Variants in SLC16A7 observed in about 807,000 individuals in gnomAD.
SLC16A7 encodes the protein monocarboxylate transporter 2.
A neutral mutation model predicts 34.9 loss-of-function variants in SLC16A7; 33 were observed. That is an observed-to-expected ratio of 0.94 (90% CI 0.72 to 1.26). The LOEUF (loss-of-function observed/expected upper bound fraction) is 1.26, where lower values mean the gene tolerates loss of function less well. Ranked by LOEUF, SLC16A7 falls within the 50% of genes most tolerant of loss-of-function variation. The probability of loss-of-function intolerance (pLI) is 0.00; values close to 1 mark genes in which losing one functional copy is unlikely to be tolerated. For synonymous variants in SLC16A7, 201 were observed against 206.6 expected (o/e 0.97, Z 0.23); for missense variants, 573 against 578.1 (o/e 0.99, Z 0.09).
intron 3 of SLC16A7, among the ~76,000 whole-genome samples, chr12:59,727,728 G>T (rs1033866392): frequency 6.6e-6 from 1 of 152,232 alleles, no homozygotes; most frequent in African/African-American, 2.4e-5. Context: ...ACTGTTAATA[G>T]TGAGAGTATT....
In SLC16A7 at chr12:59,704,214, A is replaced by AG. The variant is rs1259811931; in HGVS notation, c.-30-558_-30-557insG. The stretch of plus-strand genomic sequence containing the variant: ...GACTCTGTCTCAAAAAAAAAAAAAA[A>AG]AAAAGAAAAAGAAAAAAAAAAGAAA... On this transcript the variant is annotated intron_variant, in intron 2 of 5. Transcript: ENST00000547379. Among the ~76,000 whole-genome samples, 53 of 140,670 alleles carry AG rather than the reference A, an allele frequency of 3.8e-4. 2 individuals carry two copies. Among genetic ancestry groups the AG allele is most frequent in the African/African-American group, 1.3e-3 (47 of 36,346 alleles). The allele number at this position is 140,670 out of a possible 152,430, so 92.3% of individuals were successfully genotyped here.
chr12:59,773,142 T>C (rs1252986114), intron 4 of SLC16A7, among the ~76,000 whole-genome samples: 1 of 152,022 alleles, frequency 6.6e-6, no homozygotes, highest in East Asian at 1.9e-4. Flanking sequence ...ACATAATACC[T>C]GGATTTTAAT....
At chr12:59,600,999 A>G (rs191685961) in intron 1 of SLC16A7, among the ~76,000 whole-genome samples, 2 of 152,336 alleles carry the variant, frequency 1.3e-5, no homozygotes, top group African/African-American at 2.4e-5. Flanking sequence ...AAATGTCTGT[A>G]TGGTTCAATT....
chr12:59,714,633 A>G (rs926877888), intron 3 of SLC16A7, among the ~76,000 whole-genome samples: 2 of 150,624 alleles, frequency 1.3e-5, no homozygotes, highest in African/African-American at 4.9e-5. Context: ...GGCACGATCT[A>G]GGCTCACTGC....
At chr12:59,673,252 T>G (rs1350168037) in intron 2 of SLC16A7, among the ~76,000 whole-genome samples, 1 of 152,144 alleles carries the variant, frequency 6.6e-6, no homozygotes, top group Admixed American at 6.5e-5. Flanking sequence ...GTGTAGAACA[T>G]TTGCTGAAAT....
chr12:59,737,571 C>G (rs1877744491), intron 3 of SLC16A7, among the ~76,000 whole-genome samples: 1 of 152,172 alleles, frequency 6.6e-6, no homozygotes, highest in African/African-American at 2.4e-5. Flanking sequence ...AAAAAGGGAG[C>G]TGACTTCCTG....
intron 4 of SLC16A7, among the ~76,000 whole-genome samples, chr12:59,774,201 A>G (rs1321989992): frequency 6.6e-6 from 1 of 152,122 alleles, no homozygotes; most frequent in Non-Finnish European, 1.5e-5. Flanking sequence ...CGACCTTTTT[A>G]GTCTGTTTAT....
intron 3 of SLC16A7, 96 bp downstream of exon 3, chr12:59,705,114 G>GT: frequency 1.2e-6 from 1 of 803,134 alleles, no homozygotes; most frequent in South Asian, 1.6e-5. Context: ...TTAAAACCCT[G>GT]TTTTTATGTT....
chr12:59,782,965 C>A lies in SLC16A7; in HGVS notation c.*3286C>A, dbSNP rs1291604483. On this transcript the variant is annotated 3_prime_UTR_variant, in exon 6 of 6. Transcript: ENST00000547379. The stretch of plus-strand genomic sequence containing the variant: ...GAAACAAGTAAAATAATTAGATTTT[C>A]TATGTTTGAATGTGCACTTTAAAAA... 6.6e-6 allele frequency: 1 copy of A among 152,062 alleles called. No homozygotes were observed. The highest frequency in any genetic ancestry group is 1.5e-5 in the Non-Finnish European group (1 of 68,006). The allele number at this position is 152,062 out of a possible 1,614,324, so 9.4% of individuals were successfully genotyped here. A position where few individuals can be genotyped will look rare whatever the true frequency, so the allele number is the denominator to read the frequency against.
rs1883209600 is a variant in SLC16A7 at position 59,781,032 on chromosome 12, A to G, written c.*1353A>G. On this transcript the variant is annotated 3_prime_UTR_variant, in exon 6 of 6. Coordinates refer to ENST00000547379, the MANE Select transcript of SLC16A7 (RefSeq NM_001270623.2). Reference sequence around the variant, plus strand: ...AAATAGAGGCACTGTATGACTTGCAATCGTAGGTATAGTTTATAACCTGAT... The same window carrying G: ...AAATAGAGGCACTGTATGACTTGCAGTCGTAGGTATAGTTTATAACCTGAT... The G allele has an allele frequency of 6.6e-6, 1 of 152,166 alleles. No homozygotes were observed. The allele number at this position is 152,166 out of a possible 1,614,324, so 9.4% of individuals were successfully genotyped here.
chr12:59,720,677 C>T (rs1875471778), intron 3 of SLC16A7, among the ~76,000 whole-genome samples: 2 of 152,086 alleles, frequency 1.3e-5, no homozygotes, highest in Non-Finnish European at 1.5e-5. Context: ...CCCATGTTCA[C>T]ACCCTTAAAC....
intron 1 of SLC16A7, among the ~76,000 whole-genome samples, chr12:59,598,601 G>C (rs1261415419): frequency 6.6e-6 from 1 of 152,170 alleles, no homozygotes; most frequent in Non-Finnish European, 1.5e-5. Flanking sequence ...TGAGAAGAAT[G>C]TCTTTTCTCA....
intron 1 of SLC16A7, among the ~76,000 whole-genome samples, chr12:59,632,897 A>G (rs1449320949): frequency 1.3e-5 from 2 of 151,956 alleles, no homozygotes; most frequent in African/African-American, 4.8e-5. Flanking sequence ...GAAGAGAGCT[A>G]TGGAAAGAAA....
intron 3 of SLC16A7, among the ~76,000 whole-genome samples, chr12:59,757,218 G>T: frequency 6.6e-6 from 1 of 151,210 alleles, no homozygotes; most frequent in African/African-American, 2.4e-5. Flanking sequence ...TAACTAACCT[G>T]CACATTGTGC....
In SLC16A7 at chr12:59,775,531, G is replaced by A. The variant is rs182913197; in HGVS notation, c.1180+56G>A. Reference sequence around the variant, plus strand: ...AAGCATAAAATTAATATCCATTAACGGAGACTTTATATACAGATGTTTAAA... The same window carrying A: ...AAGCATAAAATTAATATCCATTAACAGAGACTTTATATACAGATGTTTAAA... On this transcript the variant is annotated intron_variant, in intron 5 of 5. Coordinates refer to ENST00000547379, the MANE Select transcript of SLC16A7 (RefSeq NM_001270623.2). 63 of 1,293,592 alleles carry A rather than the reference G, an allele frequency of 4.9e-5. 1 individual carries two copies. The East Asian group carries it at 7.4e-4, about 15-fold the overall frequency. 80.1% of individuals were successfully genotyped at this position (1,293,592 alleles called of 1,614,324 possible).
At chr12:59,612,148 G>T (rs757044183) in intron 1 of SLC16A7, among the ~76,000 whole-genome samples, 10 of 152,236 alleles carry the variant, frequency 6.6e-5, no homozygotes, top group Non-Finnish European at 1.0e-4. Flanking sequence ...GTTTCTCCAT[G>T]AGGGCCTTGC....
intron 1 of SLC16A7, among the ~76,000 whole-genome samples, chr12:59,642,196 A>G (rs192495309): frequency 1.9e-3 from 288 of 152,112 alleles, no homozygotes; most frequent in Middle Eastern, 3.4e-3. Flanking sequence ...CAGATTCATT[A>G]TCCTTTGTTT....
At chr12:59,767,517 G>A (rs1251243912) in intron 3 of SLC16A7, among the ~76,000 whole-genome samples, 2 of 152,046 alleles carry the variant, frequency 1.3e-5, no homozygotes, top group East Asian at 3.9e-4. Context: ...TTACTATTCT[G>A]CAAAATCTGT....
At chr12:59,751,404 A>G (rs1171241064) in intron 3 of SLC16A7, among the ~76,000 whole-genome samples, 1 of 152,214 alleles carries the variant, frequency 6.6e-6, no homozygotes, top group Non-Finnish European at 1.5e-5. Context: ...CCACCCCAAT[A>G]CTGCGCTTTT....
Sources: gnomAD v4.1 joint callset for allele counts (sites outside exome capture counted in the v4.1 genomes callset) on GRCh38, gnomAD v4.1.1 for gene constraint, MANE v1.5 for transcripts, NCBI Gene and HGNC (gene_info 2026-07-23, HGNC 2026-07-21) for gene names.